The following CHSY3 variants were observed in gnomAD, a reference collection of about 807,000 sequenced individuals.
The protein encoded by CHSY3 is chondroitin sulfate synthase 3, also known as N-acetylgalactosaminyl-proteoglycan 3-beta-glucuronosyltransferase 3.
CHSY3 carries 35 observed loss-of-function variants against 67.2 expected under a neutral mutation model. The ratio of observed to expected loss-of-function variants is 0.52; its 90% CI spans 0.40 to 0.69. The LOEUF is 0.69. CHSY3 is among the 30% of genes least tolerant of loss of function. The pLI is 0.00. For missense variants in CHSY3, 1,069 were observed against 1,138.5 expected (o/e 0.94, Z 0.88); for synonymous variants, 474 against 434.7 (o/e 1.09, Z -1.12).
intron 2 of CHSY3, among the ~76,000 whole-genome samples, chr5:129,935,466 G>A (rs961108414): frequency 6.6e-6 from 1 of 152,110 alleles, no homozygotes; most frequent in African/African-American, 2.4e-5. Flanking sequence ...CCTTAGAAAG[G>A]TTGGTTCTTG....
At chr5:130,061,328 A>G (rs1237786638) in intron 2 of CHSY3, among the ~76,000 whole-genome samples, 2 of 152,194 alleles carry the variant, frequency 1.3e-5, no homozygotes, top group Non-Finnish European at 2.9e-5. Flanking sequence ...ACCTTATTCA[A>G]TAAATGGTGC....
At chr5:130,122,544 C>T (rs1407469367) in intron 2 of CHSY3, among the ~76,000 whole-genome samples, 1 of 152,138 alleles carries the variant, frequency 6.6e-6, no homozygotes, top group Non-Finnish European at 1.5e-5. Context: ...CTAACAACAC[C>T]GTCTTGAAGA....
At chr5:130,169,661 A>G (rs1387825010) in intron 2 of CHSY3, among the ~76,000 whole-genome samples, 1 of 147,994 alleles carries the variant, frequency 6.8e-6, no homozygotes, top group Admixed American at 6.9e-5. Context: ...AAGGCTAAAC[A>G]GTTGGTTGCT....
At chr5:130,133,464 A>G (rs1279455675) in intron 2 of CHSY3, among the ~76,000 whole-genome samples, 4 of 152,128 alleles carry the variant, frequency 2.6e-5, no homozygotes, top group African/African-American at 9.7e-5. Flanking sequence ...AAAGAGGTTA[A>G]GCATCAAGAT....
intron 2 of CHSY3, among the ~76,000 whole-genome samples, chr5:130,161,127 A>G (rs1311303339): frequency 6.6e-6 from 1 of 151,998 alleles, no homozygotes; most frequent in East Asian, 1.9e-4. Flanking sequence ...GATGGTCTCG[A>G]TCTCCTGACC....
intron 2 of CHSY3, among the ~76,000 whole-genome samples, chr5:129,909,029 A>C (rs928976919): frequency 3.9e-5 from 6 of 152,064 alleles, no homozygotes; most frequent in Admixed American, 3.9e-4. Context: ...AAATTTGTTT[A>C]TGTCTATTCT....
At chr5:130,153,163 G>A (rs555945270) in intron 2 of CHSY3, among the ~76,000 whole-genome samples, 21 of 152,176 alleles carry the variant, frequency 1.4e-4, no homozygotes, top group Admixed American at 6.5e-5. Context: ...TCTGGAAGGC[G>A]GAGGTTGCAG....
chr5:129,997,728 A>T (rs898297225), intron 2 of CHSY3, among the ~76,000 whole-genome samples: 1 of 152,054 alleles, frequency 6.6e-6, no homozygotes, highest in Admixed American at 6.6e-5. Context: ...TCATTGTTCA[A>T]TTCCCATCTA....
intron 2 of CHSY3, among the ~76,000 whole-genome samples, chr5:129,980,523 T>C (rs1176470053): frequency 6.6e-6 from 1 of 152,226 alleles, no homozygotes; most frequent in Non-Finnish European, 1.5e-5. Context: ...AACAGTTCTT[T>C]ATCAAATGTG....
intron 2 of CHSY3, among the ~76,000 whole-genome samples, chr5:130,011,710 A>C (rs1764067084): frequency 6.6e-6 from 1 of 152,234 alleles, no homozygotes; most frequent in South Asian, 2.1e-4. Context: ...TTGTACTTAG[A>C]AAATGCCATG....
At chr5:130,162,621 A>C (rs902143208) in intron 2 of CHSY3, among the ~76,000 whole-genome samples, 7 of 152,150 alleles carry the variant, frequency 4.6e-5, no homozygotes, top group Non-Finnish European at 1.5e-5. Flanking sequence ...TCCAGCCTGG[A>C]ACTTCTGGGC....
intron 2 of CHSY3, among the ~76,000 whole-genome samples, chr5:130,078,779 G>A (rs138829750): frequency 5.3e-5 from 8 of 152,254 alleles, no homozygotes; most frequent in Middle Eastern, 3.4e-3. Flanking sequence ...AACCTTCAGT[G>A]ATGCTCAGCT....
chr5:129,925,786 A>AT (rs34261075), intron 2 of CHSY3, among the ~76,000 whole-genome samples: 2 of 152,032 alleles, frequency 1.3e-5, no homozygotes, highest in Admixed American at 6.5e-5. Context: ...CACCATTTAT[A>AT]TTTTTTTAAA....
chr5:129,964,903 C>A (rs911837909), intron 2 of CHSY3, among the ~76,000 whole-genome samples: 2 of 151,698 alleles, frequency 1.3e-5, no homozygotes, highest in Non-Finnish European at 2.9e-5. Context: ...TTTTTCATTC[C>A]CCATCTGTTT....
At chr5:130,047,985 C>T (rs929678744) in intron 2 of CHSY3, among the ~76,000 whole-genome samples, 8 of 150,660 alleles carry the variant, frequency 5.3e-5, no homozygotes, top group Non-Finnish European at 1.0e-4. Context: ...AATGGCTTTA[C>T]CTATTTTGCA....
chr5:130,005,416 A>G (rs1378531346), intron 2 of CHSY3, among the ~76,000 whole-genome samples: 2 of 114,814 alleles, frequency 1.7e-5, no homozygotes, highest in Non-Finnish European at 3.7e-5. Context: ...TCTGTGAAAA[A>G]CAAGACGAAA....
At chr5:129,931,903 C>T (rs1286749933) in intron 2 of CHSY3, among the ~76,000 whole-genome samples, 2 of 151,868 alleles carry the variant, frequency 1.3e-5, no homozygotes, top group Non-Finnish European at 2.9e-5. Flanking sequence ...TATTTACATT[C>T]TAGCTTTCTT....
At chr5:129,943,768 T>C (rs764748816) in intron 2 of CHSY3, among the ~76,000 whole-genome samples, 5 of 152,216 alleles carry the variant, frequency 3.3e-5, no homozygotes, top group Non-Finnish European at 7.3e-5. Context: ...CATCCACATA[T>C]AGATAGTATT....
chr5:130,165,266 T>C (rs1235468273), intron 2 of CHSY3, among the ~76,000 whole-genome samples: 1 of 152,082 alleles, frequency 6.6e-6, no homozygotes, highest in Non-Finnish European at 1.5e-5. Context: ...ACCAGGATGG[T>C]TGCCCAGAAG....
Sources: allele counts gnomAD v4.1 joint callset (sites outside exome capture counted in the v4.1 genomes callset), GRCh38; gene constraint gnomAD v4.1.1; transcripts MANE v1.5; gene names NCBI Gene and HGNC (gene_info 2026-07-23, HGNC 2026-07-21).